Variants in APBB1IP observed in about 807,000 individuals in gnomAD.
APBB1IP encodes amyloid beta precursor protein binding family B member 1 interacting protein.
APBB1IP carries 27 observed loss-of-function variants against 64.9 expected under a neutral mutation model. That is an observed-to-expected ratio of 0.42 (90% CI 0.31 to 0.57). The LOEUF (loss-of-function observed/expected upper bound fraction) is 0.57, where lower values mean the gene tolerates loss of function less well. Ranked by LOEUF, APBB1IP falls within the 20% of genes least tolerant of loss-of-function variation. The pLI is 0.20. For synonymous variants in APBB1IP, 392 were observed against 331.0 expected, an observed-to-expected ratio of 1.18 and a Z score of -2.00; for missense variants, 812 against 845.5, an observed-to-expected ratio of 0.96 and a Z score of 0.49.
intron 11 of APBB1IP, among the ~76,000 whole-genome samples, chr10:26,545,520 G>A (rs1836749436): frequency 6.6e-6 from 1 of 152,080 alleles, no homozygotes; most frequent in Non-Finnish European, 1.5e-5. Context: ...CAGCACTTTG[G>A]GAGGCCGAGG....
chr10:26,523,486 G>A (rs1836430681), intron 8 of APBB1IP, among the ~76,000 whole-genome samples: 1 of 152,120 alleles, frequency 6.6e-6, no homozygotes, highest in South Asian at 2.1e-4. Flanking sequence ...ATTCTGTGTG[G>A]GTGCAGGTGA....
chr10:26,503,361 C>G, intron 6 of APBB1IP, 87 bp downstream of exon 6: 1 of 1,344,210 alleles, frequency 7.4e-7, no homozygotes, highest in South Asian at 1.3e-5. Flanking sequence ...TAAAGCCGGG[C>G]GCGGTGGCTC....
intron 2 of APBB1IP, among the ~76,000 whole-genome samples, chr10:26,455,399 G>C (rs1835512465): frequency 6.6e-6 from 1 of 151,938 alleles, no homozygotes; most frequent in African/African-American, 2.4e-5. Context: ...TGTGGTGCGG[G>C]CGCTTGTAAT....
At chr10:26,494,951 G>C (rs1836001625) in intron 3 of APBB1IP, among the ~76,000 whole-genome samples, 1 of 152,028 alleles carries the variant, frequency 6.6e-6, no homozygotes, top group East Asian at 1.9e-4. Context: ...CTTAGAGGAA[G>C]GGGTGCTGGT....
intron 11 of APBB1IP, among the ~76,000 whole-genome samples, chr10:26,548,534 T>C (rs144780229): frequency 1.3e-5 from 2 of 152,304 alleles, no homozygotes; most frequent in African/African-American, 4.8e-5. Context: ...TATCACTGTT[T>C]TATAGTTTTC....
chr10:26,441,138 A>G (rs1046770248), intron 2 of APBB1IP, among the ~76,000 whole-genome samples: 1 of 152,204 alleles, frequency 6.6e-6, no homozygotes, highest in Non-Finnish European at 1.5e-5. Flanking sequence ...CAGTATGAAA[A>G]TGAATGTGTG....
chr10:26,491,211 G>A (rs961884389), intron 2 of APBB1IP, among the ~76,000 whole-genome samples: 28 of 151,962 alleles, frequency 1.8e-4, no homozygotes, highest in Admixed American at 1.5e-3. Flanking sequence ...CCTGAGAGAC[G>A]GAGGCTGCAG....
chr10:26,496,633 C>T (rs1461617995), intron 4 of APBB1IP, among the ~76,000 whole-genome samples: 2 of 152,000 alleles, frequency 1.3e-5, no homozygotes, highest in East Asian at 3.9e-4. Flanking sequence ...TCGAAATGAT[C>T]TCGTGTTTTA....
chr10:26,441,758 T>G (rs1276036795), intron 2 of APBB1IP, among the ~76,000 whole-genome samples: 4 of 152,202 alleles, frequency 2.6e-5, no homozygotes, highest in Admixed American at 6.5e-5. Context: ...TTTTAAAACA[T>G]TTCCTGAGCG....
chr10:26,466,972 A>G (rs1278181176), intron 2 of APBB1IP, among the ~76,000 whole-genome samples: 1 of 152,120 alleles, frequency 6.6e-6, no homozygotes, highest in Non-Finnish European at 1.5e-5. Context: ...GGGCAGGAAC[A>G]TTAATAGTGA....
intron 14 of APBB1IP, among the ~76,000 whole-genome samples, chr10:26,562,654 A>T (rs1836988695): frequency 6.6e-6 from 1 of 151,954 alleles, no homozygotes; most frequent in Admixed American, 6.6e-5. Context: ...AAAATTAGCC[A>T]GGCATGGTGG....
chr10:26,513,509 C>A, intron 7 of APBB1IP, 30 bp from the exon 8 acceptor site: 1 of 1,609,726 alleles, frequency 6.2e-7, no homozygotes, highest in South Asian at 1.1e-5. Context: ...TGTCTTGGGT[C>A]TGAAAGAATA....
chr10:26,525,830 G>A (rs1013084715), intron 8 of APBB1IP, among the ~76,000 whole-genome samples: 2 of 152,162 alleles, frequency 1.3e-5, no homozygotes, highest in African/African-American at 4.8e-5. Flanking sequence ...TGTGATTGCA[G>A]GACAAAACTG....
intron 2 of APBB1IP, among the ~76,000 whole-genome samples, chr10:26,479,355 C>G (rs786718): frequency 0.06 from 9,118 of 151,688 alleles, 900 homozygotes; most frequent in African/African-American, 0.21. Context: ...TACATGTACC[C>G]CTGAACCTAA....
At chr10:26,444,714 A>G (rs1255834167) in intron 2 of APBB1IP, among the ~76,000 whole-genome samples, 1 of 152,204 alleles carries the variant, frequency 6.6e-6, no homozygotes, top group African/African-American at 2.4e-5. Context: ...CAGGGTAACC[A>G]TTTGGGAAGA....
chr10:26,479,629 G>A (rs184088933), intron 2 of APBB1IP, among the ~76,000 whole-genome samples: 31 of 152,250 alleles, frequency 2.0e-4, no homozygotes, highest in African/African-American at 7.0e-4. Context: ...ACACGTAAGT[G>A]TATATATCTA....
At chr10:26,549,318 A>C (rs1836803131) in intron 11 of APBB1IP, among the ~76,000 whole-genome samples, 1 of 152,132 alleles carries the variant, frequency 6.6e-6, no homozygotes, top group African/African-American at 2.4e-5. Context: ...TGGTTTTGGA[A>C]TTGGGATAAT....
chr10:26,478,054 G>C (rs1300038949), intron 2 of APBB1IP, among the ~76,000 whole-genome samples: 1 of 152,170 alleles, frequency 6.6e-6, no homozygotes, highest in African/African-American at 2.4e-5. Context: ...TCAAATCCCT[G>C]CCCTCACCGG....
chr10:26,558,056 T>C (rs942038597), intron 11 of APBB1IP, among the ~76,000 whole-genome samples: 6 of 151,414 alleles, frequency 4.0e-5, no homozygotes, highest in African/African-American at 1.2e-4. Flanking sequence ...CACCAGCAAA[T>C]GAGGATTATC....
Sources: gnomAD v4.1 joint callset for allele counts (sites outside exome capture counted in the v4.1 genomes callset) on GRCh38, gnomAD v4.1.1 for gene constraint, MANE v1.5 for transcripts, NCBI Gene and HGNC (gene_info 2026-07-23, HGNC 2026-07-21) for gene names.